FBXW10B: variants seen among roughly 807,000 people sequenced by gnomAD.
FBXW10B encodes the protein F-box and WD repeat domain containing protein 10B.
At chr17:15,582,759 T>TA in the FBXW10B span, among the ~76,000 whole-genome samples, 4 of 152,162 alleles carry the variant, frequency 2.6e-5, no homozygotes, top group Non-Finnish European at 5.9e-5. Flanking sequence ...TAATAGAACT[T>TA]AAAGTGCAAA....
the FBXW10B span, chr17:15,619,139 A>G: frequency 2.5e-6 from 4 of 1,614,022 alleles, no homozygotes; most frequent in Admixed American, 6.7e-5. Context: ...GCTGTTCGCA[A>G]ACCAATACAA....
the FBXW10B span, among the ~76,000 whole-genome samples, chr17:15,591,148 G>A: frequency 6.6e-6 from 1 of 152,204 alleles, no homozygotes; most frequent in African/African-American, 2.4e-5. Flanking sequence ...GCCTCAGCAT[G>A]TGCAGGCTGG....
chr17:15,593,127 C>G, the FBXW10B span, among the ~76,000 whole-genome samples: 2 of 150,100 alleles, frequency 1.3e-5, no homozygotes, highest in Admixed American at 1.3e-4. Context: ...TCAAAATGAA[C>G]AGTTGATTGC....
the FBXW10B span, among the ~76,000 whole-genome samples, chr17:15,600,121 C>T: frequency 6.6e-6 from 1 of 151,150 alleles, no homozygotes. Context: ...GAGGCTGAGG[C>T]AGGAGAATGG....
chr17:15,616,811 C>CAAA, the FBXW10B span, among the ~76,000 whole-genome samples: 159 of 63,584 alleles, frequency 2.5e-3, 2 homozygotes, highest in East Asian at 0.014. Context: ...GACTCTGTCT[C>CAAA]AAAAAAAAAA....
At chr17:15,598,203 A>G in the FBXW10B span, among the ~76,000 whole-genome samples, 1 of 152,128 alleles carries the variant, frequency 6.6e-6, no homozygotes, top group Admixed American at 6.6e-5. Flanking sequence ...CCCACTATAT[A>G]TTTATGTATC....
chr17:15,614,726 C>T, the FBXW10B span, among the ~76,000 whole-genome samples: 2 of 152,214 alleles, frequency 1.3e-5, no homozygotes, highest in African/African-American at 4.8e-5. Context: ...GGTTATCATA[C>T]TGTTCTACAT....
At chr17:15,614,152 G>A in the FBXW10B span, 4 of 1,274,522 alleles carry the variant, frequency 3.1e-6, no homozygotes, top group African/African-American at 4.8e-5. Flanking sequence ...TCTAACCTTA[G>A]GCCACTAGAT....
the FBXW10B span, among the ~76,000 whole-genome samples, chr17:15,570,192 G>T: frequency 9.2e-5 from 14 of 152,322 alleles, no homozygotes; most frequent in African/African-American, 3.4e-4. Flanking sequence ...CAGAAGTAAA[G>T]ATACCAAAGA....
At chr17:15,577,056 A>C in the FBXW10B span, among the ~76,000 whole-genome samples, 1 of 148,006 alleles carries the variant, frequency 6.8e-6, no homozygotes, top group East Asian at 2.0e-4. Context: ...GCAGACGGGT[A>C]CCCAGCCAGG....
chr17:15,599,215 G>A, the FBXW10B span, among the ~76,000 whole-genome samples: 1 of 142,182 alleles, frequency 7.0e-6, no homozygotes, highest in South Asian at 2.4e-4. Context: ...TAGGGTTTTT[G>A]TGAAGAATTA....
chr17:15,569,627 T>C, the FBXW10B span, among the ~76,000 whole-genome samples: 1 of 151,026 alleles, frequency 6.6e-6, no homozygotes, highest in Non-Finnish European at 1.5e-5. Context: ...GCCTAGGTAA[T>C]TTTTTTTTAC....
At chr17:15,597,692 A>T in the FBXW10B span, among the ~76,000 whole-genome samples, 1 of 152,188 alleles carries the variant, frequency 6.6e-6, no homozygotes, top group African/African-American at 2.4e-5. Context: ...TTCAGGAATG[A>T]AAACATTAAA....
At chr17:15,612,889 G>A in the FBXW10B span, 1 of 1,566,742 alleles carries the variant, frequency 6.4e-7, no homozygotes, top group Non-Finnish European at 8.6e-7. Flanking sequence ...CAACTCTGCA[G>A]GAGGAAGGGA....
chr17:15,594,708 G>A, the FBXW10B span: 4 of 1,608,014 alleles, frequency 2.5e-6, no homozygotes, highest in Admixed American at 5.0e-5. Context: ...GGGAAGGGAA[G>A]GACACCAGGT....
At chr17:15,619,207 C>T in the FBXW10B span, 121 of 1,613,874 alleles carry the variant, frequency 7.5e-5, no homozygotes, top group Non-Finnish European at 9.9e-5. Context: ...AGGAGGACTT[C>T]ACAACTTTCC....
At chr17:15,587,529 A>G in the FBXW10B span, among the ~76,000 whole-genome samples, 4,984 of 151,152 alleles carry the variant, frequency 0.033, 319 homozygotes, top group African/African-American at 0.11. Flanking sequence ...CCATCAAGTC[A>G]CTTCTAGCTT....
the FBXW10B span, among the ~76,000 whole-genome samples, chr17:15,601,268 G>C: frequency 4.7e-5 from 7 of 149,454 alleles, no homozygotes; most frequent in African/African-American, 1.7e-4. Flanking sequence ...AATTAGCCAG[G>C]CGTGGTGGTG....
At chr17:15,607,261 G>A in the FBXW10B span, among the ~76,000 whole-genome samples, 4 of 149,048 alleles carry the variant, frequency 2.7e-5, no homozygotes, top group Admixed American at 6.8e-5. Context: ...TCCAATAACC[G>A]TATATTATTT....
Sources: allele counts gnomAD v4.1 joint callset (sites outside exome capture counted in the v4.1 genomes callset), GRCh38; gene constraint gnomAD v4.1.1; transcripts MANE v1.5; gene names NCBI Gene and HGNC (gene_info 2026-07-23, HGNC 2026-07-21).